Variants in TENM2 observed in about 807,000 individuals in gnomAD.
TENM2 encodes the protein teneurin-2.
TENM2 carries 52 observed loss-of-function variants against 245.2 expected under a neutral mutation model. The observed-to-expected ratio is 0.21, with a 90% CI of 0.17 to 0.27. The LOEUF (loss-of-function observed/expected upper bound fraction) is 0.27. Ranked by LOEUF, TENM2 falls within the 10% of genes least tolerant of loss-of-function variation. The pLI is 1.00. For missense variants in TENM2, 3,046 were observed against 3,666.8 expected, an observed-to-expected ratio of 0.83 and a Z score of 4.37; for synonymous variants, 1,363 against 1,438.9, an observed-to-expected ratio of 0.95 and a Z score of 1.19.
At chr5:167,070,717 T>G in the TENM2 span, among the ~76,000 whole-genome samples, 1 of 152,106 alleles carries the variant, frequency 6.6e-6, no homozygotes, top group South Asian at 2.1e-4. Context: ...TAAGCGTTTT[T>G]GTCAAGTGTG....
chr5:168,206,092 G>A (rs1762327562), intron 19 of TENM2, among the ~76,000 whole-genome samples: 1 of 152,226 alleles, frequency 6.6e-6, no homozygotes, highest in Non-Finnish European at 1.5e-5. Context: ...CCCTGCCTAG[G>A]ATTTTGGCCT....
chr5:167,199,821 A>G, the TENM2 span, among the ~76,000 whole-genome samples: 64 of 152,130 alleles, frequency 4.2e-4, no homozygotes, highest in Admixed American at 8.5e-4. Context: ...TCACATATTT[A>G]GTATTTTAAA....
intron 9 of TENM2, among the ~76,000 whole-genome samples, chr5:168,111,000 C>T (rs1794631439): frequency 6.6e-6 from 1 of 152,186 alleles, no homozygotes; most frequent in African/African-American, 2.4e-5. Flanking sequence ...TTTAATTTAT[C>T]GATTCATCCA....
At chr5:167,764,032 C>T (rs182420083) in intron 2 of TENM2, among the ~76,000 whole-genome samples, 3 of 152,010 alleles carry the variant, frequency 2.0e-5, no homozygotes, top group East Asian at 1.9e-4. Context: ...GTGTGCATTG[C>T]GTGTCTCTGT....
the TENM2 span, among the ~76,000 whole-genome samples, chr5:167,195,249 T>A: frequency 1.3e-5 from 2 of 152,046 alleles, no homozygotes; most frequent in East Asian, 3.9e-4. Flanking sequence ...GTGTCCTATC[T>A]GGGAGTGGTG....
At chr5:168,207,259 G>C (rs1321073132) in intron 19 of TENM2, among the ~76,000 whole-genome samples, 1 of 152,124 alleles carries the variant, frequency 6.6e-6, no homozygotes, top group Non-Finnish European at 1.5e-5. Flanking sequence ...GCTCAAGATA[G>C]GTTGCTTAAA....
intron 8 of TENM2, among the ~76,000 whole-genome samples, chr5:168,091,372 C>T (rs1054747022): frequency 2.0e-5 from 3 of 152,148 alleles, no homozygotes; most frequent in Non-Finnish European, 2.9e-5. Context: ...GGTAGCCCTG[C>T]TTTCTATTAG....
At chr5:167,431,957 ATATG>A (rs1376367907) in intron 2 of TENM2, among the ~76,000 whole-genome samples, 3 of 55,036 alleles carry the variant, frequency 5.5e-5, no homozygotes, top group South Asian at 4.7e-4. Context: ...ATGTATATAT[ATATG>A]TATATATATA....
At chr5:167,054,274 T>C in the TENM2 span, among the ~76,000 whole-genome samples, 3 of 152,338 alleles carry the variant, frequency 2.0e-5, no homozygotes, top group Admixed American at 2.0e-4. Flanking sequence ...CGTTGTATAG[T>C]TGGAATCATA....
chr5:168,084,597 G>A (rs928850235), intron 7 of TENM2, among the ~76,000 whole-genome samples: 7 of 152,222 alleles, frequency 4.6e-5, no homozygotes, highest in African/African-American at 1.7e-4. Flanking sequence ...GAGATCAGGA[G>A]AAAGAATAGG....
At chr5:168,182,870 A>T (rs10063149) in intron 13 of TENM2, among the ~76,000 whole-genome samples, 1 of 142,574 alleles carries the variant, frequency 7.0e-6, no homozygotes, top group African/African-American at 2.6e-5. Flanking sequence ...TCACCCTGTC[A>T]CCCAGCCTGG....
chr5:167,277,052 C>A, the TENM2 span, among the ~76,000 whole-genome samples: 1 of 151,988 alleles, frequency 6.6e-6, no homozygotes, highest in South Asian at 2.1e-4. Flanking sequence ...TTGATCTTTT[C>A]AAGGAAACAA....
In TENM2 at chr5:167,398,522, C is replaced by T. The variant is rs1201799333; in HGVS notation, c.502+23049C>T. Among the ~76,000 whole-genome samples, 3 of 151,290 alleles carry T rather than the reference C, an allele frequency of 2.0e-5. No individual in the cohort carries two copies. In the East Asian group the frequency reaches 5.8e-4, roughly 29 times the overall value. On this transcript the variant is annotated intron_variant, in intron 2 of 28. Transcript: ENST00000518659. ...TCTTGGCTCACTGCAACCTCTGCTT[C>T]TCAGATTCAAGTGATTCTCCTGCCT...
chr5:167,743,453 T>C (rs1024939014), intron 2 of TENM2, among the ~76,000 whole-genome samples: 1 of 152,178 alleles, frequency 6.6e-6, no homozygotes, highest in African/African-American at 2.4e-5. Context: ...AAATGATGTT[T>C]AGGGTAACTA....
At chr5:167,188,825 C>G in the TENM2 span, among the ~76,000 whole-genome samples, 1 of 151,952 alleles carries the variant, frequency 6.6e-6, no homozygotes, top group East Asian at 1.9e-4. Context: ...TTTGGACGAT[C>G]GAGACAAATA....
chr5:168,110,982 T>A (rs985672563), intron 9 of TENM2, among the ~76,000 whole-genome samples: 1 of 152,246 alleles, frequency 6.6e-6, no homozygotes, highest in Non-Finnish European at 1.5e-5. Flanking sequence ...TTAAAACATC[T>A]GTGCACTTTT....
intron 2 of TENM2, among the ~76,000 whole-genome samples, chr5:167,743,193 T>C (rs1342654283): frequency 1.3e-5 from 2 of 152,184 alleles, no homozygotes; most frequent in East Asian, 3.9e-4. Flanking sequence ...CCAATAGTTG[T>C]TGACTAATAG....
chr5:167,005,667 T>G, the TENM2 span, among the ~76,000 whole-genome samples: 1 of 141,624 alleles, frequency 7.1e-6, no homozygotes. Context: ...TTTTTTTTTT[T>G]TTTTTTTTTT....
At chr5:167,107,091 CAAAAAAA>C in the TENM2 span, among the ~76,000 whole-genome samples, 11 of 68,896 alleles carry the variant, frequency 1.6e-4, no homozygotes, top group South Asian at 2.3e-3. Context: ...CTAAAAAATA[CAAAAAAA>C]AAAAAAAAAA....
Sources: allele counts gnomAD v4.1 joint callset (sites outside exome capture counted in the v4.1 genomes callset), GRCh38; gene constraint gnomAD v4.1.1; transcripts MANE v1.5; gene names NCBI Gene and HGNC (gene_info 2026-07-23, HGNC 2026-07-21).